NKAIN2: variants seen among roughly 807,000 people sequenced by gnomAD.
NKAIN2 encodes the protein sodium/potassium transporting ATPase interacting 2, also known as sodium/potassium-transporting ATPase subunit beta-1-interacting protein 2.
NKAIN2 carries 14 observed loss-of-function variants against 32.6 expected under a neutral mutation model. The ratio of observed to expected loss-of-function variants is 0.43; its 90% CI spans 0.28 to 0.67. NKAIN2 has a LOEUF of 0.67. Ranked by LOEUF, NKAIN2 falls within the 30% of genes least tolerant of loss-of-function variation. The pLI, the probability that NKAIN2 is intolerant of heterozygous loss-of-function variation, is 0.17. For missense variants in NKAIN2, 198 were observed against 258.3 expected, an observed-to-expected ratio of 0.77 and a Z score of 1.60; for synonymous variants, 80 against 87.2, an observed-to-expected ratio of 0.92 and a Z score of 0.46.
At chr6:124,445,531 G>A (rs2114607399) in intron 3 of NKAIN2, among the ~76,000 whole-genome samples, 1 of 152,044 alleles carries the variant, frequency 6.6e-6, no homozygotes, top group African/African-American at 2.4e-5. Flanking sequence ...ACTTCACACT[G>A]TTTTATTATT....
chr6:123,815,400 A>G (rs566970311), intron 1 of NKAIN2, among the ~76,000 whole-genome samples: 2 of 152,314 alleles, frequency 1.3e-5, no homozygotes, highest in East Asian at 1.9e-4. Flanking sequence ...CATATTATCT[A>G]GCATTTGATG....
chr6:124,647,130 A>C (rs1402116532), intron 3 of NKAIN2, among the ~76,000 whole-genome samples: 1 of 152,098 alleles, frequency 6.6e-6, no homozygotes, highest in Non-Finnish European at 1.5e-5. Context: ...TGTAAAAAAA[A>C]AGTCACGTGA....
In NKAIN2 at chr6:124,476,059, AGAGAGAGTGTGT is replaced by A. The variant is rs935834178; in HGVS notation, c.273+120714_273+120725del. Among the ~76,000 whole-genome samples, 4 of 86,062 alleles carry A rather than the reference AGAGAGAGTGTGT, an allele frequency of 4.6e-5. No homozygotes were observed. The East Asian group carries it at 1.3e-3, about 28-fold the overall frequency. 56.5% of individuals were successfully genotyped at this position (86,062 alleles called of 152,430 possible). A position where few individuals can be genotyped will look rare whatever the true frequency, so the allele number is the denominator to read the frequency against. On this transcript the variant is annotated intron_variant, in intron 3 of 6. Coordinates refer to ENST00000368417, the MANE Select transcript of NKAIN2 (RefSeq NM_001040214.3). ...GAGAGTGTGTGTGTGAGAGAGAGAG[AGAGAGAGTGTGT>A]GTGTGTGTGTGTGTGTGTGTGTGTG...
At chr6:124,600,482 A>G (rs753785542) in intron 3 of NKAIN2, among the ~76,000 whole-genome samples, 2 of 152,110 alleles carry the variant, frequency 1.3e-5, no homozygotes, top group Non-Finnish European at 2.9e-5. Flanking sequence ...TACTAAAAAT[A>G]TCTGTTTTCA....
At chr6:124,058,487 G>A (rs886192126) in intron 1 of NKAIN2, among the ~76,000 whole-genome samples, 3 of 151,990 alleles carry the variant, frequency 2.0e-5, no homozygotes, top group Non-Finnish European at 2.9e-5. Flanking sequence ...TTAGAGTTCC[G>A]TATGCCTCTG....
chr6:124,405,544 T>C (rs562674007), intron 3 of NKAIN2, among the ~76,000 whole-genome samples: 4 of 151,838 alleles, frequency 2.6e-5, no homozygotes, highest in African/African-American at 7.2e-5. Flanking sequence ...TGTCTTTTTT[T>C]TTTTTTTTCC....
At chr6:124,458,222 A>C (rs1348752602) in intron 3 of NKAIN2, among the ~76,000 whole-genome samples, 1 of 152,028 alleles carries the variant, frequency 6.6e-6, no homozygotes, top group African/African-American at 2.4e-5. Context: ...CATATGATCA[A>C]GGAGCTGTTC....
intron 1 of NKAIN2, among the ~76,000 whole-genome samples, chr6:124,098,522 T>C (rs1784739038): frequency 6.6e-6 from 1 of 152,170 alleles, no homozygotes; most frequent in Non-Finnish European, 1.5e-5. Flanking sequence ...GATGGTTTTG[T>C]AACAAATAGT....
intron 1 of NKAIN2, among the ~76,000 whole-genome samples, chr6:124,182,581 A>T (rs1419361757): frequency 1.3e-5 from 2 of 152,190 alleles, no homozygotes; most frequent in African/African-American, 4.8e-5. Context: ...AATTTTACTT[A>T]TATTTTTATT....
intron 1 of NKAIN2, among the ~76,000 whole-genome samples, chr6:123,850,596 T>C (rs2114956548): frequency 6.6e-6 from 1 of 152,302 alleles, no homozygotes; most frequent in African/African-American, 2.4e-5. Context: ...TTTCACTTTG[T>C]AATTTTATTT....
intron 1 of NKAIN2, among the ~76,000 whole-genome samples, chr6:123,986,028 T>C (rs1366147142): frequency 6.6e-6 from 1 of 152,190 alleles, no homozygotes; most frequent in Non-Finnish European, 1.5e-5. Flanking sequence ...TACAATTTTA[T>C]AAATTTCTCT....
chr6:124,443,270 G>A (rs528586617), intron 3 of NKAIN2, among the ~76,000 whole-genome samples: 70 of 152,112 alleles, frequency 4.6e-4, no homozygotes, highest in African/African-American at 1.6e-3. Flanking sequence ...TTCAATTAGC[G>A]GGATGTTATT....
chr6:124,342,263 G>A (rs1798153750), intron 2 of NKAIN2, among the ~76,000 whole-genome samples: 2 of 151,282 alleles, frequency 1.3e-5, no homozygotes, highest in African/African-American at 2.4e-5. Context: ...AAAAAAATTA[G>A]CCAGGCGTGG....
chr6:124,738,379 A>G (rs1337866), intron 4 of NKAIN2, among the ~76,000 whole-genome samples: 68,484 of 151,650 alleles, frequency 0.45, 15,789 homozygotes, highest in African/African-American at 0.52. Context: ...GTCTATGTCC[A>G]AAGAGTGGTT....
At chr6:124,720,263 A>G (rs987900510) in intron 4 of NKAIN2, among the ~76,000 whole-genome samples, 2 of 152,088 alleles carry the variant, frequency 1.3e-5, no homozygotes. Context: ...TCTTGCAAAG[A>G]CCCACACAGC....
chr6:124,549,640 C>T (rs1193946458), intron 3 of NKAIN2, among the ~76,000 whole-genome samples: 2 of 152,176 alleles, frequency 1.3e-5, no homozygotes, highest in Non-Finnish European at 2.9e-5. Flanking sequence ...GTCATGATGC[C>T]TTCTCTCCTC....
intron 1 of NKAIN2, among the ~76,000 whole-genome samples, chr6:124,183,685 C>T (rs1582808070): frequency 6.6e-6 from 1 of 152,082 alleles, no homozygotes; most frequent in South Asian, 2.1e-4. Flanking sequence ...TTTTATATCC[C>T]TCCTAATAAA....
chr6:124,265,451 T>C (rs1454105743), intron 1 of NKAIN2, among the ~76,000 whole-genome samples: 3 of 152,206 alleles, frequency 2.0e-5, no homozygotes, highest in Non-Finnish European at 4.4e-5. Flanking sequence ...TTGTAAAATA[T>C]ACCAATTTTA....
intron 1 of NKAIN2, among the ~76,000 whole-genome samples, chr6:123,977,927 A>G (rs1047856674): frequency 1.3e-5 from 2 of 152,142 alleles, no homozygotes; most frequent in African/African-American, 4.8e-5. Context: ...GAGATTTTTA[A>G]AGAGTGTAGC....
Sources: allele counts gnomAD v4.1 joint callset (sites outside exome capture counted in the v4.1 genomes callset), GRCh38; gene constraint gnomAD v4.1.1; transcripts MANE v1.5; gene names NCBI Gene and HGNC (gene_info 2026-07-23, HGNC 2026-07-21).